ULK4: variants seen among roughly 807,000 people sequenced by gnomAD.
The protein encoded by ULK4 is inactive serine/threonine-protein kinase ULK4.
Under a neutral mutation model 160.6 loss-of-function variants are expected in ULK4, and 133 were observed. That is an observed-to-expected ratio of 0.83 (90% CI 0.72 to 0.96). The LOEUF (loss-of-function observed/expected upper bound fraction) is 0.96. Among genes scored for constraint, ULK4 ranks in the 40% least tolerant of loss-of-function variants. ULK4 has a pLI of 0.00. For missense variants in ULK4, 1,580 were observed against 1,499.5 expected, an observed-to-expected ratio of 1.05 and a Z score of -0.89; for synonymous variants, 534 against 539.8, an observed-to-expected ratio of 0.99 and a Z score of 0.15.
intron 11 of ULK4, among the ~76,000 whole-genome samples, chr3:41,909,092 C>A (rs1370334728): frequency 4.0e-4 from 43 of 106,308 alleles, no homozygotes; most frequent in South Asian, 7.0e-4. Context: ...CACTCCATCT[C>A]AAAAAAAAAA....
intron 5 of ULK4, among the ~76,000 whole-genome samples, chr3:41,922,227 C>T (rs1387327695): frequency 6.6e-6 from 1 of 152,108 alleles, no homozygotes; most frequent in East Asian, 1.9e-4. Flanking sequence ...GTGGCACAAG[C>T]CTGTACTCCT....
chr3:41,388,003 G>A (rs921222475), intron 35 of ULK4, among the ~76,000 whole-genome samples: 1 of 152,132 alleles, frequency 6.6e-6, no homozygotes, highest in African/African-American at 2.4e-5. Context: ...GTGTAAAAGT[G>A]TTCTTATTTT....
In ULK4 at chr3:41,431,547, C is replaced by CATTTTTTTTTTTTTT. The variant is rs563543377; in HGVS notation, c.3492+23949_3492+23950insAAAAAAAAAAAAAAT. Among the ~76,000 whole-genome samples the CATTTTTTTTTTTTTT allele has an allele frequency of 7.7e-3, 741 of 95,798 alleles. 46 individuals carry two copies. Among genetic ancestry groups the CATTTTTTTTTTTTTT allele is most frequent in the African/African-American group, 0.027 (639 of 23,636 alleles). The allele number at this position is 95,798 out of a possible 152,430, so 62.8% of individuals were successfully genotyped here. A position where few individuals can be genotyped will look rare whatever the true frequency, so the allele number is the denominator to read the frequency against. Reference sequence around the variant, plus strand: ...CCTGTGAGGTGTTGTAATTCCCTCCCTTTTTTTTTTTTTTTGATGTGGAAA... The same window carrying CATTTTTTTTTTTTTT: ...CCTGTGAGGTGTTGTAATTCCCTCCCATTTTTTTTTTTTTTTTTTTTTTTTTTTTTGATGTGGAAA... On this transcript the variant is annotated intron_variant, in intron 34 of 36. Coordinates refer to ENST00000301831, the MANE Select transcript of ULK4 (RefSeq NM_017886.4).
intron 34 of ULK4, among the ~76,000 whole-genome samples, chr3:41,444,749 G>A (rs1366848066): frequency 6.6e-6 from 1 of 152,076 alleles, no homozygotes; most frequent in Admixed American, 6.5e-5. Context: ...AAAGGCCGAG[G>A]TGGACGGATC....
At chr3:41,298,611 C>T (rs2079719932) in intron 35 of ULK4, among the ~76,000 whole-genome samples, 1 of 152,152 alleles carries the variant, frequency 6.6e-6, no homozygotes. Flanking sequence ...AAGATTAAGT[C>T]ACTTAACAAC....
chr3:41,650,477 C>G (rs2034694938), intron 30 of ULK4, among the ~76,000 whole-genome samples: 1 of 152,234 alleles, frequency 6.6e-6, no homozygotes, highest in African/African-American at 2.4e-5. Context: ...CCAGTGCCCA[C>G]AGTGGAGGCT....
chr3:41,586,463 G>C (rs1052592365), intron 31 of ULK4, among the ~76,000 whole-genome samples: 1 of 152,174 alleles, frequency 6.6e-6, no homozygotes, highest in Non-Finnish European at 1.5e-5. Context: ...GAAACAGAAA[G>C]TAGACAGGTG....
At chr3:41,398,347 A>C (rs2082109250) in intron 34 of ULK4, 83 bp from the exon 35 acceptor site, 1 of 1,408,152 alleles carries the variant, frequency 7.1e-7, no homozygotes, top group East Asian at 2.4e-5. Flanking sequence ...ATTTGGCTTG[A>C]TGGGGGTGTC....
At chr3:41,705,459 A>G (rs935660785) in intron 25 of ULK4, among the ~76,000 whole-genome samples, 154 bp from the exon 26 acceptor site, 3 of 152,126 alleles carry the variant, frequency 2.0e-5, no homozygotes, top group African/African-American at 7.2e-5. Flanking sequence ...TTATAGTTAC[A>G]AAAGTATATT....
chr3:41,816,468 T>C (rs568401761), intron 19 of ULK4, among the ~76,000 whole-genome samples: 2 of 152,018 alleles, frequency 1.3e-5, no homozygotes, highest in African/African-American at 2.4e-5. Context: ...ACGAGGTAAA[T>C]AGAAAAAGAT....
chr3:41,844,588 T>C (rs1366986704), intron 17 of ULK4, among the ~76,000 whole-genome samples: 1 of 152,130 alleles, frequency 6.6e-6, no homozygotes, highest in Non-Finnish European at 1.5e-5. Flanking sequence ...GGCTCCAGCC[T>C]TGGCCAGCCC....
intron 34 of ULK4, among the ~76,000 whole-genome samples, chr3:41,433,605 T>C (rs1016933656): frequency 6.6e-6 from 1 of 152,194 alleles, no homozygotes; most frequent in African/African-American, 2.4e-5. Context: ...CATCCATTAA[T>C]GGGAAATCTT....
intron 34 of ULK4, among the ~76,000 whole-genome samples, chr3:41,428,342 G>A (rs549158478): frequency 1.7e-3 from 266 of 152,100 alleles, no homozygotes; most frequent in Middle Eastern, 6.8e-3. Context: ...GCTATACTGC[G>A]CAAAGTAATT....
intron 34 of ULK4, among the ~76,000 whole-genome samples, chr3:41,437,476 T>C (rs2083061866): frequency 6.6e-6 from 1 of 152,218 alleles, no homozygotes; most frequent in Non-Finnish European, 1.5e-5. Context: ...ATCTCTGGTG[T>C]GTAAACAGCT....
At chr3:41,272,401 TC>T (rs1048047149) in intron 35 of ULK4, among the ~76,000 whole-genome samples, 1 of 143,480 alleles carries the variant, frequency 7.0e-6, no homozygotes, top group Non-Finnish European at 1.5e-5. Flanking sequence ...GACAGTTTCT[TC>T]CCCCCTCACC....
At chr3:41,479,535 T>C (rs192133556) in intron 32 of ULK4, among the ~76,000 whole-genome samples, 121 of 152,232 alleles carry the variant, frequency 7.9e-4, no homozygotes, top group Non-Finnish European at 3.1e-4. Context: ...GCAGATCATC[T>C]GGATTTGGAC....
At chr3:41,420,194 C>T (rs181832150) in intron 34 of ULK4, among the ~76,000 whole-genome samples, 6 of 151,780 alleles carry the variant, frequency 4.0e-5, no homozygotes, top group East Asian at 1.9e-4. Context: ...TTTGTAGGAT[C>T]GTTTTTAATA....
chr3:41,301,645 AT>A (rs1269649398), intron 35 of ULK4, among the ~76,000 whole-genome samples: 3 of 152,238 alleles, frequency 2.0e-5, no homozygotes, highest in Admixed American at 1.3e-4. Context: ...ACTTTAATGC[AT>A]TTTAAGTATC....
intron 17 of ULK4, among the ~76,000 whole-genome samples, chr3:41,873,238 T>TTTTTTTTTTTTTTTTA (rs776627434): frequency 6.7e-6 from 1 of 148,844 alleles, no homozygotes; most frequent in African/African-American, 2.5e-5. Flanking sequence ...TTTTTTTTTT[T>TTTTTTTTTTTTTTTTA]TTTTTGAAAA....
Sources: gnomAD v4.1 joint callset for allele counts (sites outside exome capture counted in the v4.1 genomes callset) on GRCh38, gnomAD v4.1.1 for gene constraint, MANE v1.5 for transcripts, NCBI Gene and HGNC (gene_info 2026-07-23, HGNC 2026-07-21) for gene names.